TIAM1: variants seen among roughly 807,000 people sequenced by gnomAD.
TIAM1 encodes the protein rho guanine nucleotide exchange factor TIAM1.
In TIAM1, 65 loss-of-function variants were observed where a neutral mutation model predicts 163.5. That is an observed-to-expected ratio of 0.40 (90% CI 0.33 to 0.49). The LOEUF is 0.49. Among genes scored for constraint, TIAM1 ranks in the 20% least tolerant of loss-of-function variants. TIAM1 has a pLI of 0.77. For missense variants in TIAM1, 1,789 were observed against 2,044.7 expected (o/e 0.87, Z 2.41); for synonymous variants, 833 against 810.1 (o/e 1.03, Z -0.48).
chr21:31,162,677 TG>T (rs1252717199), intron 16 of TIAM1, among the ~76,000 whole-genome samples: 2 of 150,178 alleles, frequency 1.3e-5, no homozygotes, highest in Non-Finnish European at 3.0e-5. Flanking sequence ...AGTCCCACAC[TG>T]TCTCCCAGGC....
chr21:31,255,339 C>G (rs953721688), intron 4 of TIAM1, among the ~76,000 whole-genome samples: 2 of 152,202 alleles, frequency 1.3e-5, no homozygotes, highest in African/African-American at 4.8e-5. Flanking sequence ...GTTGCCCAGC[C>G]CCAGCCCTTA....
chr21:31,524,298 A>G (rs1174847138), intron 1 of TIAM1, among the ~76,000 whole-genome samples: 6 of 152,118 alleles, frequency 3.9e-5, no homozygotes, highest in Admixed American at 3.9e-4. Context: ...CTCACATGGC[A>G]GAGGAGGAGC....
At chr21:31,532,425 T>C (rs2048000728) in intron 1 of TIAM1, among the ~76,000 whole-genome samples, 1 of 152,208 alleles carries the variant, frequency 6.6e-6, no homozygotes, top group South Asian at 2.1e-4. Flanking sequence ...CATTAATTTT[T>C]CCTAAACTAT....
At chr21:31,438,543 G>C (rs2044302109) in intron 2 of TIAM1, among the ~76,000 whole-genome samples, 3 of 152,016 alleles carry the variant, frequency 2.0e-5, no homozygotes, top group Admixed American at 2.0e-4. Flanking sequence ...TTGTCAAATA[G>C]GGCACTGGAG....
intron 3 of TIAM1, among the ~76,000 whole-genome samples, chr21:31,273,535 T>G (rs942690658): frequency 2.6e-5 from 4 of 152,174 alleles, no homozygotes; most frequent in Admixed American, 6.5e-5. Flanking sequence ...CTTTGAAAAC[T>G]GAACTGACAT....
chr21:31,442,232 GTT>G (rs904586823), intron 2 of TIAM1, among the ~76,000 whole-genome samples: 28 of 124,908 alleles, frequency 2.2e-4, no homozygotes, highest in African/African-American at 4.8e-4. Flanking sequence ...GGAGTAGGGA[GTT>G]TTTTTTTTTT....
At chr21:31,446,600 G>T (rs894171172) in intron 2 of TIAM1, among the ~76,000 whole-genome samples, 14 of 152,138 alleles carry the variant, frequency 9.2e-5, no homozygotes, top group African/African-American at 3.4e-4. Context: ...AAGATGCAGA[G>T]AAGGCAAAGA....
chr21:31,374,758 T>C (rs905942888), intron 2 of TIAM1, among the ~76,000 whole-genome samples: 6 of 152,236 alleles, frequency 3.9e-5, no homozygotes, highest in Non-Finnish European at 8.8e-5. Flanking sequence ...GTTCCCAGAA[T>C]TTATTTATTC....
At chr21:31,434,683 T>C (rs963762022) in intron 2 of TIAM1, among the ~76,000 whole-genome samples, 3 of 152,224 alleles carry the variant, frequency 2.0e-5, no homozygotes, top group African/African-American at 4.8e-5. Flanking sequence ...ATTGCAGTTA[T>C]AGTTAATTGC....
In TIAM1 at chr21:31,141,296, C is replaced by T; in HGVS notation, c.3655+29G>A. 1 of 1,613,512 alleles carries T rather than the reference C, an allele frequency of 6.2e-7. No homozygotes were observed. On this transcript the variant is annotated intron_variant, in intron 21 of 27. Transcript: ENST00000541036. The surrounding 1 kb of genome is among the most constrained non-coding windows in gnomAD (Gnocchi z 4.7). Reference sequence around the variant, plus strand: ...TTAGAGACCCTCATGGAGACTCAGGCCTGCCGGGGGTCCCAGGCCGAGGCC... The same window carrying T: ...TTAGAGACCCTCATGGAGACTCAGGTCTGCCGGGGGTCCCAGGCCGAGGCC...
chr21:31,555,093 T>C (rs2048829974), intron 1 of TIAM1, among the ~76,000 whole-genome samples: 1 of 152,198 alleles, frequency 6.6e-6, no homozygotes, highest in Admixed American at 6.5e-5. Flanking sequence ...AACACTCTGT[T>C]CCTTGCTGAG....
At chr21:31,286,552 T>TA (rs568607458) in intron 2 of TIAM1, among the ~76,000 whole-genome samples, 4,574 of 147,824 alleles carry the variant, frequency 0.031, 183 homozygotes, top group African/African-American at 0.097. Context: ...TAAAAGCAAT[T>TA]AAAAAAAAAA....
At chr21:31,154,525 A>G in intron 16 of TIAM1, 99 bp from the exon 17 acceptor site, 2 of 1,217,698 alleles carry the variant, frequency 1.6e-6, no homozygotes, top group South Asian at 1.6e-5. Context: ...TGGTTAGTCA[A>G]CTGTCACATA....
chr21:31,547,939 T>G (rs569581744), intron 1 of TIAM1, among the ~76,000 whole-genome samples: 3 of 152,262 alleles, frequency 2.0e-5, no homozygotes, highest in East Asian at 3.9e-4. Context: ...CCAAAACACC[T>G]GAAATTATTA....
intron 2 of TIAM1, among the ~76,000 whole-genome samples, chr21:31,349,544 T>C (rs907438712): frequency 6.6e-6 from 1 of 152,190 alleles, no homozygotes; most frequent in African/African-American, 2.4e-5. Flanking sequence ...GATACCTCCC[T>C]GCTCGGCAGC....
intron 1 of TIAM1, among the ~76,000 whole-genome samples, chr21:31,342,646 G>C (rs1184057075): frequency 6.6e-6 from 1 of 152,160 alleles, no homozygotes; most frequent in African/African-American, 2.4e-5. Flanking sequence ...GGTTCCTTGT[G>C]GGGTGGAGGG....
At position 31,429,292 on chromosome 21, in the gene TIAM1, G is replaced by A. The variant is rs565876865; in HGVS notation, c.-369+34691C>T. 7.9e-4 allele frequency among the ~76,000 whole-genome samples: 120 copies of A among 152,140 alleles called. 1 individual carries two copies. Among genetic ancestry groups the A allele is most frequent in the Non-Finnish European group, 6.8e-4 (46 of 68,024 alleles). ...GTTGGGATTGCATGGGATTGCAGACGTAAGCCACAGCACTGGCCAACCTAC... is the reference window on the plus strand; with the variant it reads ...GTTGGGATTGCATGGGATTGCAGACATAAGCCACAGCACTGGCCAACCTAC... On this transcript the variant is annotated intron_variant, in intron 2 of 28. Transcript: ENST00000286827.
chr21:31,315,760 T>C (rs1341068577), intron 2 of TIAM1, among the ~76,000 whole-genome samples: 2 of 148,480 alleles, frequency 1.3e-5, no homozygotes, highest in Non-Finnish European at 3.0e-5. Context: ...GGCAGGCGGA[T>C]CATGAGGTCA....
rs1170956325 is a variant in TIAM1 at position 31,210,703 on chromosome 21, AAG to A, written c.2218-490_2218-489del. Among the ~76,000 whole-genome samples the A allele has an allele frequency of 1.5e-3, 170 of 112,536 alleles. 15 individuals are homozygous for A. The highest frequency in any genetic ancestry group is 8.4e-3 in the African/African-American group (154 of 18,298). The allele number at this position is 112,536 out of a possible 152,430, so 73.8% of individuals were successfully genotyped here. On this transcript the variant is annotated intron_variant, in intron 10 of 27. Coordinates refer to ENST00000541036, the MANE Select transcript of TIAM1 (RefSeq NM_001353694.2). ...AGAAAGAAAAAGAAAGAAAGAAAGA[AAG>A]AGAAAGAAAGAGAAAGAAAGAAAGA...
Sources: gnomAD v4.1 joint callset for allele counts (sites outside exome capture counted in the v4.1 genomes callset) on GRCh38, gnomAD v4.1.1 for gene constraint, Gnocchi (gnomAD v3.1) non-coding constraint, MANE v1.5 for transcripts, NCBI Gene and HGNC (gene_info 2026-07-23, HGNC 2026-07-21) for gene names.